The following TMEM168 variants were observed in gnomAD, a reference collection of about 807,000 sequenced individuals.
TMEM168 encodes transmembrane protein 168.
Under a neutral mutation model 53.2 loss-of-function variants are expected in TMEM168, and 40 were observed. That is an observed-to-expected ratio of 0.75 (90% CI 0.58 to 0.98). The LOEUF (loss-of-function observed/expected upper bound fraction) is 0.98, where lower values mean the gene tolerates loss of function less well. TMEM168 is among the 50% of genes least tolerant of loss of function. The pLI, the probability that TMEM168 is intolerant of heterozygous loss-of-function variation, is 0.00. For synonymous variants in TMEM168, 282 were observed against 293.0 expected, an observed-to-expected ratio of 0.96 and a Z score of 0.38; for missense variants, 771 against 828.8, an observed-to-expected ratio of 0.93 and a Z score of 0.86.
At chr7:112,771,314 T>C (rs1050072415) in intron 4 of TMEM168, among the ~76,000 whole-genome samples, 3 of 152,156 alleles carry the variant, frequency 2.0e-5, no homozygotes, top group Non-Finnish European at 4.4e-5. Flanking sequence ...AAAAATACAC[T>C]TTAGGAATCA....
At chr7:112,777,909 TGTGTGTGTGTGTGTGTGTGTGTGTGTGTG>T (rs1793131668) in intron 2 of TMEM168, among the ~76,000 whole-genome samples, 11 of 105,614 alleles carry the variant, frequency 1.0e-4, no homozygotes, top group African/African-American at 4.2e-4. Flanking sequence ...TGTGTGTGTG[TGTGTGTGTGTGTGTGTGTGTGTGTGTGTG>T]TGTGTACCTG....
At chr7:112,785,591 C>G (rs1244058930) in intron 1 of TMEM168, among the ~76,000 whole-genome samples, 1 of 152,146 alleles carries the variant, frequency 6.6e-6, no homozygotes, top group African/African-American at 2.4e-5. Flanking sequence ...AACTTGCTTT[C>G]CAAATCTAAA....
chr7:112,765,404 T>C lies in TMEM168; in HGVS notation c.*1793A>G, dbSNP rs1226327340. The C allele has an allele frequency of 1.3e-5, 2 of 152,214 alleles. No individual in the cohort carries two copies. The highest frequency in any genetic ancestry group is 1.3e-4 in the Admixed American group (2 of 15,284). The allele number at this position is 152,214 out of a possible 1,614,324, so 9.4% of individuals were successfully genotyped here. A position where few individuals can be genotyped will look rare whatever the true frequency, so the allele number is the denominator to read the frequency against. On this transcript the variant is annotated 3_prime_UTR_variant, in exon 5 of 5. Coordinates refer to ENST00000312814, the MANE Select transcript of TMEM168 (RefSeq NM_022484.6). ...TTATAAAGAATGCAGAATATACTTT[T>C]GTATTTGGCTTTCTTAAAGTGAAGA...
rs775085506 is a variant in TMEM168, at chr7:112,784,401, C to G, written c.425G>C (p.Arg142Thr). The stretch of plus-strand genomic sequence containing the variant: ...CCGATGACGGACATAACCAGAAATT[C>G]TCTCCACCAGAGAGCACAATATCCT... Reference protein sequence around the residue: ...VLRILCSLVERISGYVRHRPT... With the variant: ...VLRILCSLVETISGYVRHRPT... The change falls in exon 2 of 5, where the codon AGA (arginine) becomes ACA (threonine). Residue 142 changes from arginine to threonine, a missense_variant. Coordinates refer to ENST00000312814, the MANE Select transcript of TMEM168 (RefSeq NM_022484.6). 4.3e-6 allele frequency: 7 copies of G among 1,614,118 alleles called. No homozygotes were observed. Among genetic ancestry groups the G allele is most frequent in the Non-Finnish European group, 5.9e-6 (7 of 1,180,000 alleles).
At chr7:112,777,556 C>T (rs1431505754) in intron 2 of TMEM168, among the ~76,000 whole-genome samples, 1 of 151,980 alleles carries the variant, frequency 6.6e-6, no homozygotes, top group Non-Finnish European at 1.5e-5. Flanking sequence ...TTATCCTTTC[C>T]TTCTGTTCAG....
intron 4 of TMEM168, among the ~76,000 whole-genome samples, chr7:112,770,682 G>T: frequency 6.6e-6 from 1 of 152,038 alleles, no homozygotes; most frequent in East Asian, 1.9e-4. Context: ...ATTAGTAAAT[G>T]AACATCTAGA....
At chr7:112,779,219 A>T (rs1793168545) in intron 2 of TMEM168, among the ~76,000 whole-genome samples, 1 of 152,184 alleles carries the variant, frequency 6.6e-6, no homozygotes, top group Non-Finnish European at 1.5e-5. Flanking sequence ...AAGCAAATTT[A>T]TCAGGAAAAA....
At position 112,767,371 on chromosome 7, in the gene TMEM168, C is replaced by T. The variant is rs1372650094; in HGVS notation, c.1920G>A (p.Met640Ile). ...GATATGTAATACGAGGAAAGTGTAA[C>T]ATCCAGTGCTTGGCCACATCGCTTC... ...PTGSDVAKHW[M>I]LHFPRITYPL... The change falls in exon 5 of 5, where the codon ATG (methionine) becomes ATA (isoleucine). Residue 640 changes from methionine to isoleucine, a missense_variant. By Grantham distance (10) the Met-to-Ile change is conservative. Coordinates refer to ENST00000312814, the MANE Select transcript of TMEM168 (RefSeq NM_022484.6). The T allele has an allele frequency of 1.2e-6, 2 of 1,614,170 alleles. No individual in the cohort carries two copies. Among genetic ancestry groups the T allele is most frequent in the South Asian group, 2.2e-5 (2 of 91,078 alleles).
At position 112,767,138 on chromosome 7, in the gene TMEM168, G is replaced by T. The variant is rs1792800244; in HGVS notation, c.*59C>A. The T allele has an allele frequency of 2.0e-6, 3 of 1,491,440 alleles. No homozygotes were observed. In the African/African-American group the frequency reaches 4.2e-5, roughly 21 times the overall value. 92.4% of individuals were successfully genotyped at this position (1,491,440 alleles called of 1,614,324 possible). On this transcript the variant is annotated 3_prime_UTR_variant, in exon 5 of 5. Coordinates refer to ENST00000312814, the MANE Select transcript of TMEM168 (RefSeq NM_022484.6). ...ATAAAAATACAGCATACAAAAAATG[G>T]CAAGTTAGTGATAATTGGTAGTATG...
Position 112,764,067 on chromosome 7 carries a change from T to C in TMEM168, c.*3130A>G, listed in dbSNP as rs907675451. On this transcript the variant is annotated 3_prime_UTR_variant, in exon 5 of 5. Transcript: ENST00000312814. Reference sequence around the variant, plus strand: ...TGGGGAGAGAAAGAACTTGGCTCCTTATTTATTTTGCAACAGTGTGTATGC... The same window carrying C: ...TGGGGAGAGAAAGAACTTGGCTCCTCATTTATTTTGCAACAGTGTGTATGC... The C allele has an allele frequency of 1.3e-5, 2 of 151,962 alleles. No individual in the cohort carries two copies. The highest frequency in any genetic ancestry group is 2.9e-5 in the Non-Finnish European group (2 of 67,966). The allele number at this position is 151,962 out of a possible 1,614,324, so 9.4% of individuals were successfully genotyped here.
chr7:112,773,574 G>A lies in TMEM168; in HGVS notation c.1272-519C>T, dbSNP rs114207843. Among the ~76,000 whole-genome samples, 283 of 151,898 alleles carry A rather than the reference G, an allele frequency of 1.9e-3. 2 individuals are homozygous for A. Among genetic ancestry groups the A allele is most frequent in the African/African-American group, 6.4e-3 (264 of 41,460 alleles). ...TAATAGAAGAAATTATCTATTAATAGGCATTTAAAAAGTTATTAAAATTTA... is the reference window on the plus strand; with the variant it reads ...TAATAGAAGAAATTATCTATTAATAAGCATTTAAAAAGTTATTAAAATTTA... On this transcript the variant is annotated intron_variant, in intron 3 of 4. Transcript: ENST00000312814.
At position 112,772,894 on chromosome 7, in the gene TMEM168, T is replaced by C. The variant is rs768828626; in HGVS notation, c.1433A>G (p.His478Arg). 3.1e-6 allele frequency: 5 copies of C among 1,614,134 alleles called. 1 individual carries two copies. The South Asian group carries it at 5.5e-5, about 18-fold the overall frequency. ...TTCGAGGAAAGCTTTTAGTTTGGAATGCAGAGTATCAAATGACAGTCCACT... is the reference window on the plus strand; with the variant it reads ...TTCGAGGAAAGCTTTTAGTTTGGAACGCAGAGTATCAAATGACAGTCCACT... ...STSGLSFDTL[H>R]SKLKAFLELR... Residue 478 changes from histidine (H) to arginine (R), a missense_variant, in exon 4 of 5, where the codon CAT (histidine) becomes CGT (arginine). His to Arg is a conservative substitution (Grantham distance 29). Transcript: ENST00000312814.
intron 2 of TMEM168, among the ~76,000 whole-genome samples, chr7:112,776,429 G>A (rs1011953829): frequency 8.6e-5 from 13 of 151,944 alleles, no homozygotes; most frequent in South Asian, 2.1e-4. Flanking sequence ...ACATTCTTCC[G>A]GTATTGCTAC....
chr7:112,767,535 C>T lies in TMEM168; in HGVS notation c.1756G>A (p.Gly586Ser). The change falls in exon 5 of 5, where the codon GGT becomes AGT. Residue 586 changes from glycine (G) to serine (S), a missense_variant. By Grantham distance (56) the Gly-to-Ser change is moderately conservative. Coordinates refer to ENST00000312814, the MANE Select transcript of TMEM168 (RefSeq NM_022484.6). ...DIEEADPPQLGDFTKDWVEYN... is the reference protein window; with the variant it reads ...DIEEADPPQLSDFTKDWVEYN... ...TCTACCCAGTCTTTTGTAAAGTCAC[C>T]TAGCTGTGGCGGGTCAGCTTCTTCA... The T allele has an allele frequency of 7.4e-6, 12 of 1,614,180 alleles. No individual in the cohort carries two copies. The highest frequency in any genetic ancestry group is 1.0e-5 in the Non-Finnish European group (12 of 1,180,028).
At chr7:112,767,849 T>C (rs1792828313) in intron 4 of TMEM168, 105 bp from the exon 5 acceptor site, 4 of 984,704 alleles carry the variant, frequency 4.1e-6, no homozygotes, top group Non-Finnish European at 4.3e-6. Context: ...TTGTTATACA[T>C]GTATTTTCCT....
At chr7:112,772,742 G>T in intron 4 of TMEM168, 39 bp downstream of exon 4, 1 of 1,589,518 alleles carries the variant, frequency 6.3e-7, no homozygotes, top group African/African-American at 1.3e-5. Context: ...ATATACATGT[G>T]TATCTTTACA....
At chr7:112,768,848 A>G (rs2116222877) in intron 4 of TMEM168, among the ~76,000 whole-genome samples, 1 of 152,304 alleles carries the variant, frequency 6.6e-6, no homozygotes, top group East Asian at 1.9e-4. Flanking sequence ...GGAAATGGAA[A>G]TGAACTATGG....
rs912619894 is a variant in TMEM168 at position 112,784,122 on chromosome 7, G to C, written c.704C>G (p.Thr235Ser). The C allele has an allele frequency of 2.2e-5, 35 of 1,613,882 alleles. No homozygotes were observed. Among genetic ancestry groups the C allele is most frequent in the Non-Finnish European group, 2.9e-5 (34 of 1,180,006 alleles). Residue 235 changes from threonine (T) to serine (S), a missense_variant, in exon 2 of 5, where the codon ACT becomes AGT. Transcript: ENST00000312814. Reference protein sequence around the residue: ...AFACFFICLITDPFLDIYFSG... With the variant: ...AFACFFICLISDPFLDIYFSG... ...AAAATAAATGTCAAGGAAAGGATCA[G>C]TTATCAGGCAAATAAAAAAACACGC...
intron 3 of TMEM168, among the ~76,000 whole-genome samples, chr7:112,774,359 A>ATTTTTTTTTTT (rs558123531): frequency 7.4e-5 from 7 of 94,256 alleles, no homozygotes; most frequent in Non-Finnish European, 8.7e-5. Flanking sequence ...GTGTTTTTAC[A>ATTTTTTTTTTT]TTTTTTTTTT....
Sources: gnomAD v4.1 joint callset for allele counts (sites outside exome capture counted in the v4.1 genomes callset) on GRCh38, gnomAD v4.1.1 for gene constraint, MANE v1.5 for transcripts, NCBI Gene and HGNC (gene_info 2026-07-23, HGNC 2026-07-21) for gene names.